Variants in PCDH11X observed in about 807,000 individuals in gnomAD.
PCDH11X encodes the protein protocadherin 11 X-linked, also known as protocadherin-11 X-linked.
Under a neutral mutation model 53.3 loss-of-function variants are expected in PCDH11X, and 18 were observed. The ratio of observed to expected loss-of-function variants is 0.34; its 90% CI spans 0.23 to 0.50. PCDH11X has a LOEUF of 0.50. PCDH11X is among the 20% of genes least tolerant of loss of function. The pLI is 0.98. For synonymous variants in PCDH11X, 279 were observed against 393.3 expected (o/e 0.71, Z 3.44); for missense variants, 570 against 1,032.4 (o/e 0.55, Z 6.14).
chrX:92,512,742 A>G (rs2074186989), intron 10 of PCDH11X, among the ~76,000 whole-genome samples: 2 of 112,028 alleles, frequency 1.8e-5, no homozygotes, highest in African/African-American at 6.5e-5. Flanking sequence ...TCATTTTGAA[A>G]TAAAGCTTGA....
At chrX:92,332,833 G>T (rs2069526586) in intron 8 of PCDH11X, among the ~76,000 whole-genome samples, 1 of 111,573 alleles carries the variant, frequency 9.0e-6, no homozygotes, top group Admixed American at 9.5e-5. Flanking sequence ...AAAACTTCAG[G>T]AATAAGCCTC....
chrX:91,919,215 G>T (rs1264396191), intron 6 of PCDH11X, among the ~76,000 whole-genome samples: 1 of 111,139 alleles, frequency 9.0e-6, no homozygotes, highest in Non-Finnish European at 1.9e-5. Flanking sequence ...GCTGTTCTCA[G>T]GTGAGCCAAT....
chrX:91,952,498 C>G (rs745398821), intron 6 of PCDH11X, among the ~76,000 whole-genome samples: 1 of 111,154 alleles, frequency 9.0e-6, no homozygotes, highest in East Asian at 2.8e-4. Context: ...ATGAATAACT[C>G]TAGAATATAA....
intron 9 of PCDH11X, among the ~76,000 whole-genome samples, chrX:92,457,139 A>C (rs2072923877): frequency 9.0e-6 from 1 of 110,793 alleles, no homozygotes; most frequent in African/African-American, 3.3e-5. Context: ...TGGAAAACAA[A>C]TTTTCTAATA....
chrX:92,134,269 C>T (rs376353863), intron 6 of PCDH11X, among the ~76,000 whole-genome samples: 3 of 110,185 alleles, frequency 2.7e-5, no homozygotes, highest in African/African-American at 9.9e-5. Context: ...GGAGGTATGT[C>T]GTTTTTTTTG....
At chrX:91,847,595 C>T (rs1477334337) in intron 5 of PCDH11X, among the ~76,000 whole-genome samples, 5 of 111,409 alleles carry the variant, frequency 4.5e-5, no homozygotes, top group Non-Finnish European at 9.4e-5. Context: ...CCATCTTCTG[C>T]AAAACATCAT....
chrX:92,511,465 T>C (rs2074159941), intron 10 of PCDH11X, among the ~76,000 whole-genome samples: 1 of 112,115 alleles, frequency 8.9e-6, no homozygotes, highest in South Asian at 3.7e-4. Flanking sequence ...GTTAGCCTAA[T>C]TTGTTTCAAC....
At chrX:92,325,230 A>T (rs1175095544) in intron 8 of PCDH11X, among the ~76,000 whole-genome samples, 2 of 110,894 alleles carry the variant, frequency 1.8e-5, no homozygotes. Flanking sequence ...ACTTGGCAAC[A>T]TTCTATGCCC....
chrX:92,483,855 G>A (rs2073558930), intron 10 of PCDH11X, among the ~76,000 whole-genome samples: 2 of 109,740 alleles, frequency 1.8e-5, no homozygotes, highest in East Asian at 2.8e-4. Context: ...TTCATTTAAC[G>A]TAAATATGTT....
At chrX:92,523,959 T>A (rs1272098018) in intron 10 of PCDH11X, among the ~76,000 whole-genome samples, 2 of 110,833 alleles carry the variant, frequency 1.8e-5, no homozygotes, top group Non-Finnish European at 3.8e-5. Flanking sequence ...AATCAATTTT[T>A]CAATTAAGGT....
chrX:91,801,207 T>A (rs2147540286), intron 1 of PCDH11X, among the ~76,000 whole-genome samples: 1 of 104,336 alleles, frequency 9.6e-6, no homozygotes, highest in African/African-American at 3.4e-5. Flanking sequence ...AAGAGTTTAT[T>A]ATCCCATCTA....
chrX:92,252,082 T>C (rs2067471734), intron 7 of PCDH11X, among the ~76,000 whole-genome samples: 1 of 111,105 alleles, frequency 9.0e-6, no homozygotes, highest in Admixed American at 9.6e-5. Flanking sequence ...AAATTTAAGA[T>C]TATTGTTATT....
At chrX:92,155,494 T>C (rs2065512652) in intron 6 of PCDH11X, among the ~76,000 whole-genome samples, 1 of 87,466 alleles carries the variant, frequency 1.1e-5, no homozygotes, top group African/African-American at 4.3e-5. Flanking sequence ...CATTGTCTTT[T>C]TTCTTTCACA....
rs762133317 is a variant in PCDH11X at position 92,285,496 on chromosome X, G to A, written c.3144+22353G>A. Among the ~76,000 whole-genome samples the A allele has an allele frequency of 4.5e-5, 5 of 110,038 alleles. No individual in the cohort carries two copies. The East Asian group carries it at 8.6e-4, about 19-fold the overall frequency. On this transcript the variant is annotated intron_variant, in intron 8 of 10. Transcript: ENST00000682573. ...GCGAACTCCTGACTTCAGGTGATCC[G>A]CCCGCTTCGGCCTCCCAAAGTGCTG...
At chrX:92,602,075 G>T (rs34112609) in intron 10 of PCDH11X, among the ~76,000 whole-genome samples, 1 of 112,033 alleles carries the variant, frequency 8.9e-6, no homozygotes, top group African/African-American at 3.2e-5. Flanking sequence ...GCAGGAGTAT[G>T]CATCTAAAAG....
In PCDH11X at chrX:91,834,893, C is replaced by G. The variant is rs777328387; in HGVS notation, c.-44-568C>G. 4.7e-4 allele frequency: 285 copies of G among 606,225 alleles called. No individual in the cohort carries two copies. The African/African-American group carries it at 7.0e-3, about 15-fold the overall frequency. The allele number at this position is 606,225 out of a possible 1,213,427, so 50.0% of individuals were successfully genotyped here. ...AGTCACATCAACCCCTCTCCTCTCCCAAACTTCTCTTCTTCAAATCAAACT... is the reference window on the plus strand; with the variant it reads ...AGTCACATCAACCCCTCTCCTCTCCGAAACTTCTCTTCTTCAAATCAAACT... On this transcript the variant is annotated intron_variant, in intron 4 of 10. Transcript: ENST00000682573.
intron 6 of PCDH11X, among the ~76,000 whole-genome samples, chrX:91,945,667 T>C (rs1292304015): frequency 3.8e-5 from 4 of 105,411 alleles, no homozygotes; most frequent in African/African-American, 1.4e-4. Context: ...CAGCATCTTA[T>C]AATAAATATT....
At chrX:92,248,426 G>A (rs7066634) in intron 7 of PCDH11X, among the ~76,000 whole-genome samples, 12,925 of 110,406 alleles carry the variant, frequency 0.12, 1,219 homozygotes, top group African/African-American at 0.31. Context: ...AAATAGTAAT[G>A]TTATTTTATT....
intron 8 of PCDH11X, among the ~76,000 whole-genome samples, chrX:92,328,608 G>A (rs2069390407): frequency 9.1e-6 from 1 of 110,375 alleles, no homozygotes; most frequent in Non-Finnish European, 1.9e-5. Flanking sequence ...TGGATTAAGA[G>A]ATGATATCAC....
Sources: allele counts gnomAD v4.1 joint callset (sites outside exome capture counted in the v4.1 genomes callset), GRCh38; gene constraint gnomAD v4.1.1; transcripts MANE v1.5; gene names NCBI Gene and HGNC (gene_info 2026-07-23, HGNC 2026-07-21).